JAG1: variants seen among roughly 807,000 people sequenced by gnomAD.
The protein encoded by JAG1 is jagged canonical Notch ligand 1.
JAG1 carries 23 observed loss-of-function variants against 148.7 expected under a neutral mutation model. That is an observed-to-expected ratio of 0.15 (90% confidence interval 0.11 to 0.22). The LOEUF (loss-of-function observed/expected upper bound fraction) is 0.22. Ranked by LOEUF, JAG1 falls within the 10% of genes least tolerant of loss-of-function variation. The pLI, the probability that JAG1 is intolerant of heterozygous loss-of-function variation, is 1.00. For missense variants in JAG1, 1,054 were observed against 1,611.2 expected (o/e 0.65, Z 5.92); for synonymous variants, 572 against 598.3 (o/e 0.96, Z 0.64).
rs73075352 is a variant in JAG1 at position 10,648,246 on chromosome 20, A to T, written c.1570-136T>A. The stretch of plus-strand genomic sequence containing the variant: ...TATTAGGAGACACCCTGTAAGATAC[A>T]TCTCTATGCTGTAGGGACTGCCAAT... On this transcript the variant is annotated intron_variant, in intron 12 of 25. Transcript: ENST00000254958. 0.027 allele frequency: 28,022 copies of T among 1,036,316 alleles called. 465 individuals are homozygous for T. The highest frequency in any genetic ancestry group is 0.053 in the African/African-American group (3,396 of 63,966). 64.2% of individuals were successfully genotyped at this position (1,036,316 alleles called of 1,614,324 possible). A position where few individuals can be genotyped will look rare whatever the true frequency, so the allele number is the denominator to read the frequency against.
rs898723424 is a variant in JAG1 at position 10,646,796 on chromosome 20, G to A, written c.1885+143C>T. 9.4e-6 allele frequency: 8 copies of A among 851,918 alleles called. No homozygotes were observed. In the Admixed American group the frequency reaches 1.4e-4, roughly 15 times the overall value. The allele number at this position is 851,918 out of a possible 1,614,324, so 52.8% of individuals were successfully genotyped here. The stretch of plus-strand genomic sequence containing the variant: ...GCCGAGATCGTGCCACTGCACTCTA[G>A]CCTGGGCAACAACAGCGAAATTCGG... On this transcript the variant is annotated intron_variant, in intron 14 of 25. Transcript: ENST00000254958.
In JAG1 at chr20:10,641,898, A is replaced by G; in HGVS notation, c.2573-6T>C. ...GATGCAAGGTCTCCCTGAAACTGACAGGTGGAGACGGGTGAGCAGTTTATT... is the reference window on the plus strand; with the variant it reads ...GATGCAAGGTCTCCCTGAAACTGACGGGTGGAGACGGGTGAGCAGTTTATT... On this transcript the variant is annotated splice_polypyrimidine_tract_variant and splice_region_variant and intron_variant, in intron 21 of 25. Transcript: ENST00000254958. 1.9e-6 allele frequency: 3 copies of G among 1,579,788 alleles called. No individual in the cohort carries two copies. The highest frequency in any genetic ancestry group is 2.6e-6 in the Non-Finnish European group (3 of 1,148,588).
At chr20:10,647,263 CATTAT>C (rs2067315669) in intron 13 of JAG1, 160 bp from the exon 14 acceptor site, 1 of 758,276 alleles carries the variant, frequency 1.3e-6, no homozygotes, top group South Asian at 1.5e-5. Context: ...TGCCACATCA[CATTAT>C]GACAGGCAAA....
In JAG1 at chr20:10,645,266, A is replaced by G; in HGVS notation, c.2114-10T>C. The G allele has an allele frequency of 6.2e-7, 1 of 1,612,702 alleles. No individual in the cohort carries two copies. Among genetic ancestry groups the G allele is most frequent in the Non-Finnish European group, 8.5e-7 (1 of 1,178,748 alleles). On this transcript the variant is annotated splice_polypyrimidine_tract_variant and intron_variant, in intron 16 of 25. Coordinates refer to ENST00000254958, the MANE Select transcript of JAG1 (RefSeq NM_000214.3). This position sits in a 1 kb window ranked among gnomAD's most constrained non-coding sequence, Gnocchi z 6.1. ...TCACACTGACTGTCACCTGGAGGAAAATATTTCAGTGTGAGTCCCAGTGGC... is the reference window on the plus strand; with the variant it reads ...TCACACTGACTGTCACCTGGAGGAAGATATTTCAGTGTGAGTCCCAGTGGC...
At chr20:10,639,982 A>G in intron 25 of JAG1, 27 bp from the exon 26 acceptor site, 1 of 1,545,764 alleles carries the variant, frequency 6.5e-7, no homozygotes, top group Non-Finnish European at 8.9e-7. Context: ...AAACCAATTA[A>G]CTCTCCAAGA....
rs1294629128 is a variant in JAG1 at position 10,652,144 on chromosome 20, G to A, written c.993C>T (p.Pro331=). 4 of 1,613,752 alleles carry A rather than the reference G, an allele frequency of 2.5e-6. No homozygotes were observed. Among genetic ancestry groups the A allele is most frequent in the African/African-American group, 2.7e-5 (2 of 74,850 alleles). Residue 331 remains proline, a synonymous_variant, in exon 7 of 26, where the codon CCC becomes CCT. Coordinates refer to ENST00000254958, the MANE Select transcript of JAG1 (RefSeq NM_000214.3). The stretch of plus-strand genomic sequence containing the variant: ...TGGACCACTTACCAATTTCACAGTT[G>A]GGTCCTGAATACCCCTCAGGGCAGG... The part of the protein sequence containing the change: ...QCSCPEGYSG[P]NCEIAEHACL...
intron 12 of JAG1, 117 bp from the exon 13 acceptor site, chr20:10,648,227 GA>G (rs2067322611): frequency 8.4e-7 from 1 of 1,193,256 alleles, no homozygotes; most frequent in African/African-American, 1.5e-5. Flanking sequence ...TTTCTATTAG[GA>G]GACACCCTGT....
chr20:10,647,146 A>C (rs2122606452), intron 13 of JAG1, 43 bp from the exon 14 acceptor site: 1 of 1,612,386 alleles, frequency 6.2e-7, no homozygotes, highest in East Asian at 2.2e-5. Context: ...ATGCACCCAC[A>C]GATGCGGCAT....
At position 10,652,500 on chromosome 20, in the gene JAG1, T is replaced by C; in HGVS notation, c.854A>G (p.Glu285Gly). ...ACAGAGCTGGCCGCCCCAGTTGGTCTCACAGAGGCACTGCCAGGGCTCATT... is the reference window on the plus strand; with the variant it reads ...ACAGAGCTGGCCGCCCCAGTTGGTCCCACAGAGGCACTGCCAGGGCTCATT... The part of the protein sequence containing the change: ...ICNEPWQCLC[E>G]TNWGGQLCDK... The change falls in exon 6 of 26, where the codon GAG (glutamate) becomes GGG (glycine). Residue 285 changes from glutamate to glycine, a missense_variant. By Grantham distance (98) the Glu-to-Gly change is moderately conservative. Around this residue, in one of 6 missense-constraint regions of JAG1, gnomAD observed 104 missense variants for 235.2 expected, o/e 0.44. Transcript: ENST00000254958. 1.2e-6 allele frequency: 2 copies of C among 1,614,122 alleles called. No homozygotes were observed. The highest frequency in any genetic ancestry group is 1.7e-6 in the Non-Finnish European group (2 of 1,180,012).
chr20:10,668,199 C>T (rs951400916), intron 2 of JAG1, among the ~76,000 whole-genome samples: 8 of 151,594 alleles, frequency 5.3e-5, no homozygotes, highest in Admixed American at 2.0e-4. Context: ...GTGCCATGCA[C>T]CAAAGTAAAG....
intron 18 of JAG1, 120 bp downstream of exon 18, chr20:10,644,742 AC>A (rs1163557704): frequency 6.1e-6 from 5 of 813,210 alleles, no homozygotes; most frequent in Non-Finnish European, 1.1e-5. Flanking sequence ...ATTAATGCAG[AC>A]CCAGGTGATA....
chr20:10,644,288 A>G, intron 19 of JAG1, 69 bp downstream of exon 19: 1 of 1,013,974 alleles, frequency 9.9e-7, no homozygotes, highest in Admixed American at 2.2e-5. Context: ...ACACACACAC[A>G]CACACACACA....
At chr20:10,642,709 G>T in intron 20 of JAG1, 108 bp from the exon 21 acceptor site, 5 of 752,412 alleles carry the variant, frequency 6.6e-6, no homozygotes, top group Non-Finnish European at 1.2e-5. Context: ...TAAGCTTGAT[G>T]AATTTTCACT....
Position 10,652,183 on chromosome 20 carries a change from G to C in JAG1, c.954C>G (p.Asp318Glu). The stretch of plus-strand genomic sequence containing the variant: ...CCTCAGGGCAGGAACACTGATATTT[G>C]TCAGGGCCTGTGTTGCTACAAGTTC... ...NGGTCSNTGP[D>E]KYQCSCPEGY... The change falls in exon 7 of 26, where the codon GAC becomes GAG. Residue 318 changes from aspartate (D) to glutamate (E), a missense_variant. Asp to Glu is a conservative substitution (Grantham distance 45). Transcript: ENST00000254958. 1 of 1,613,964 alleles carries C rather than the reference G, an allele frequency of 6.2e-7. No individual in the cohort carries two copies. Among genetic ancestry groups the C allele is most frequent in the Non-Finnish European group, 8.5e-7 (1 of 1,179,884 alleles).
rs751789189 is a variant in JAG1 at position 10,656,380 on chromosome 20, A to G, written c.755+18T>C. On this transcript the variant is annotated intron_variant, in intron 5 of 25. Transcript: ENST00000254958. ...AAGGAAAATTAAAAGAAATCTCACA[A>G]AAGACCAGTTGATTTACCTGCAGTC... 3.7e-6 allele frequency: 6 copies of G among 1,602,158 alleles called. No homozygotes were observed. In the African/African-American group the frequency reaches 6.7e-5, roughly 18 times the overall value.
chr20:10,646,788 G>A, intron 14 of JAG1, 151 bp downstream of exon 14: 2 of 799,102 alleles, frequency 2.5e-6, no homozygotes, highest in Non-Finnish European at 4.3e-6. Flanking sequence ...TCGTGCCACT[G>A]CACTCTAGCC....
At position 10,641,861 on chromosome 20, in the gene JAG1, A is replaced by T. The variant is rs138189639; in HGVS notation, c.2604T>A (p.Ser868Arg). ...CCCATTTGGCCCCATCTGGTATCAC[A>T]CTCCCCATGGTGATGCAAGGTCTCC... is the stretch of plus-strand genomic sequence containing the variant. ...VSGRPCITMG[S>R]VIPDGAKWDD... Residue 868 changes from serine to arginine, a missense_variant, in exon 22 of 26, where the codon AGT (serine) becomes AGA (arginine). Ser to Arg is a moderately radical substitution (Grantham distance 110, BLOSUM62 -1). Transcript: ENST00000254958. 2.5e-6 allele frequency: 4 copies of T among 1,612,958 alleles called. No homozygotes were observed. The East Asian group carries it at 8.9e-5, about 36-fold the overall frequency.
chr20:10,670,362 G>C (rs1392230526), intron 2 of JAG1, among the ~76,000 whole-genome samples: 1 of 152,188 alleles, frequency 6.6e-6, no homozygotes, highest in Non-Finnish European at 1.5e-5. Context: ...AGGTGGTTTG[G>C]AGTTTTGTTT....
At chr20:10,669,547 CAAAAAAAAAAAAAAAAAAA>C (rs56122797) in intron 2 of JAG1, among the ~76,000 whole-genome samples, 100 of 44,192 alleles carry the variant, frequency 2.3e-3, no homozygotes, top group Admixed American at 5.6e-3. Flanking sequence ...TTGGATTTTC[CAAAAAAAAAAAAAAAAAAA>C]AAAAAAAAAA....
Sources: gnomAD v4.1 joint callset for allele counts (sites outside exome capture counted in the v4.1 genomes callset) on GRCh38, gnomAD v4.1.1 for gene constraint, gnomAD v4.1.1 regional missense constraint, Gnocchi (gnomAD v3.1) non-coding constraint, MANE v1.5 for transcripts, NCBI Gene and HGNC (gene_info 2026-07-23, HGNC 2026-07-21) for gene names.